The following ATF2 variants were observed in gnomAD, a reference collection of about 807,000 sequenced individuals.
ATF2 encodes cyclic AMP-dependent transcription factor ATF-2.
ATF2 carries 24 observed loss-of-function variants against 60.6 expected under a neutral mutation model. The ratio of observed to expected loss-of-function variants is 0.40; its 90% CI spans 0.29 to 0.56. The LOEUF (loss-of-function observed/expected upper bound fraction) is 0.56, where lower values mean the gene tolerates loss of function less well. Ranked by LOEUF, ATF2 falls within the 20% of genes least tolerant of loss-of-function variation. ATF2 has a pLI of 0.54. For synonymous variants in ATF2, 206 were observed against 215.4 expected (o/e 0.96, Z 0.38); for missense variants, 433 against 607.7 (o/e 0.71, Z 3.02).
intron 12 of ATF2, 53 bp from the exon 13 acceptor site, chr2:175,080,818 T>C: frequency 1.4e-6 from 2 of 1,408,236 alleles, no homozygotes; most frequent in Non-Finnish European, 2.0e-6. Flanking sequence ...TATTTTTTAC[T>C]ATTTAAAACA....
intron 10 of ATF2, 112 bp downstream of exon 10, chr2:175,111,456 C>A: frequency 1.0e-6 from 1 of 996,360 alleles, no homozygotes; most frequent in South Asian, 1.8e-5. Context: ...ATAAAACAGT[C>A]CGTAACTTTA....
intron 4 of ATF2, among the ~76,000 whole-genome samples, chr2:175,125,630 G>C (rs1457193048): frequency 2.6e-5 from 4 of 151,872 alleles, no homozygotes; most frequent in African/African-American, 2.4e-5. Context: ...ATATACAAAG[G>C]GTTATGTAGA....
At chr2:175,115,534 A>G (rs1173756577) in intron 7 of ATF2, among the ~76,000 whole-genome samples, 1 of 152,130 alleles carries the variant, frequency 6.6e-6, no homozygotes, top group East Asian at 1.9e-4. Context: ...ATAGAACAAA[A>G]AGTTTTAAAA....
At chr2:175,165,405 A>G (rs902596805) in intron 1 of ATF2, among the ~76,000 whole-genome samples, 1 of 152,216 alleles carries the variant, frequency 6.6e-6, no homozygotes, top group African/African-American at 2.4e-5. Context: ...TAGAAAAAGC[A>G]CACATTGGTG....
At position 175,100,955 on chromosome 2, in the gene ATF2, G is replaced by A. The variant is rs574460647; in HGVS notation, c.829-3362C>T. On this transcript the variant is annotated intron_variant, in intron 10 of 13. Transcript: ENST00000264110. The stretch of plus-strand genomic sequence containing the variant: ...TGCTGGCGAGTGTACCCTTTCTGCA[G>A]AAAGTAAAAAAATTGGCCTTGCTGA... 5.9e-5 allele frequency among the ~76,000 whole-genome samples: 9 copies of A among 152,256 alleles called. No individual in the cohort carries two copies. In the South Asian group the frequency reaches 1.9e-3, roughly 32 times the overall value.
At chr2:175,141,030 A>AAAAAAT in intron 2 of ATF2, among the ~76,000 whole-genome samples, 1 of 37,592 alleles carries the variant, frequency 2.7e-5, no homozygotes, top group Non-Finnish European at 4.4e-5. Flanking sequence ...AAAAAAAAAA[A>AAAAAAT]ATATATATAT....
chr2:175,112,251 A>G (rs1319382492), intron 9 of ATF2, among the ~76,000 whole-genome samples: 5 of 152,276 alleles, frequency 3.3e-5, no homozygotes, highest in Middle Eastern at 6.8e-3. Flanking sequence ...CACTAGGTAC[A>G]TGTAACAGGA....
At chr2:175,146,286 G>C (rs967696432) in intron 2 of ATF2, among the ~76,000 whole-genome samples, 5 of 152,088 alleles carry the variant, frequency 3.3e-5, no homozygotes, top group African/African-American at 1.2e-4. Flanking sequence ...AGACCAATGC[G>C]ACATAACAAA....
chr2:175,165,919 C>G lies in ATF2; in HGVS notation c.-143+2131G>C, dbSNP rs112292938. Among the ~76,000 whole-genome samples, 773 of 152,254 alleles carry G rather than the reference C, an allele frequency of 5.1e-3. 11 individuals carry two copies. The highest frequency in any genetic ancestry group is 0.017 in the African/African-American group (713 of 41,512). The stretch of plus-strand genomic sequence containing the variant: ...CACCTCATGATCCGCCCCACTCGGC[C>G]TCACGAAGTGCTGGCATTACAGGCA... On this transcript the variant is annotated intron_variant, in intron 1 of 13. Coordinates refer to ENST00000264110, the MANE Select transcript of ATF2 (RefSeq NM_001880.4).
intron 5 of ATF2, among the ~76,000 whole-genome samples, chr2:175,121,077 T>G (rs549169683): frequency 6.6e-6 from 1 of 151,906 alleles, no homozygotes; most frequent in South Asian, 2.1e-4. Context: ...GCTTGATCAT[T>G]TTCTATCTTC....
At chr2:175,104,564 A>T (rs1406325812) in intron 10 of ATF2, among the ~76,000 whole-genome samples, 1 of 152,104 alleles carries the variant, frequency 6.6e-6, no homozygotes, top group Non-Finnish European at 1.5e-5. Context: ...TTATTTGGAG[A>T]ATGTGGACTT....
At chr2:175,143,918 C>T (rs1029129951) in intron 2 of ATF2, among the ~76,000 whole-genome samples, 8 of 152,016 alleles carry the variant, frequency 5.3e-5, no homozygotes, top group African/African-American at 1.9e-4. Context: ...TTCAGCCTCG[C>T]AAATAGCTGG....
At chr2:175,078,028 C>T (rs1160697391) in intron 13 of ATF2, among the ~76,000 whole-genome samples, 1 of 152,214 alleles carries the variant, frequency 6.6e-6, no homozygotes, top group African/African-American at 2.4e-5. Flanking sequence ...AGTGCTATGG[C>T]ACGATCACAG....
At chr2:175,129,968 T>C (rs571622347) in intron 4 of ATF2, among the ~76,000 whole-genome samples, 170 bp downstream of exon 4, 2 of 152,188 alleles carry the variant, frequency 1.3e-5, no homozygotes, top group South Asian at 2.1e-4. Flanking sequence ...AGTTGCACTA[T>C]TGAAGAAAAA....
intron 10 of ATF2, among the ~76,000 whole-genome samples, chr2:175,110,817 G>T (rs1696128318): frequency 6.6e-6 from 1 of 152,092 alleles, no homozygotes; most frequent in African/African-American, 2.4e-5. Flanking sequence ...TGTTGGCCAG[G>T]TTGCTCTCGA....
At chr2:175,144,174 T>C (rs928729018) in intron 2 of ATF2, among the ~76,000 whole-genome samples, 15 of 152,178 alleles carry the variant, frequency 9.9e-5, no homozygotes, top group Non-Finnish European at 1.8e-4. Flanking sequence ...TCTTATGACA[T>C]GGATTTCTGA....
intron 2 of ATF2, among the ~76,000 whole-genome samples, chr2:175,139,426 C>T (rs1345423418): frequency 6.6e-6 from 1 of 152,094 alleles, no homozygotes; most frequent in African/African-American, 2.4e-5. Context: ...AATGCCAGCA[C>T]TTTGGGAGGC....
intron 5 of ATF2, among the ~76,000 whole-genome samples, chr2:175,120,475 T>C (rs987780634): frequency 6.6e-6 from 1 of 151,662 alleles, no homozygotes; most frequent in Non-Finnish European, 1.5e-5. Flanking sequence ...ATACTGTAAG[T>C]AGAGGGAAAA....
chr2:175,140,358 A>G (rs187408410), intron 2 of ATF2, among the ~76,000 whole-genome samples: 172 of 152,360 alleles, frequency 1.1e-3, no homozygotes, highest in Admixed American at 3.9e-3. Flanking sequence ...GAATCTCAAA[A>G]TAATTATGCC....
Sources: allele counts gnomAD v4.1 joint callset (sites outside exome capture counted in the v4.1 genomes callset), GRCh38; gene constraint gnomAD v4.1.1; transcripts MANE v1.5; gene names NCBI Gene and HGNC (gene_info 2026-07-23, HGNC 2026-07-21).